Variants in URI1 observed in about 807,000 individuals in gnomAD.
URI1 encodes the protein unconventional prefoldin RPB5 interactor 1.
URI1 carries 39 observed loss-of-function variants against 60.2 expected under a neutral mutation model. The observed-to-expected ratio is 0.65, with a 90% CI of 0.50 to 0.85. The LOEUF is 0.85. Ranked by LOEUF, URI1 falls within the 40% of genes least tolerant of loss-of-function variation. URI1 has a pLI of 0.00. For missense variants in URI1, 691 were observed against 665.9 expected, an observed-to-expected ratio of 1.04 and a Z score of -0.42; for synonymous variants, 251 against 236.8, an observed-to-expected ratio of 1.06 and a Z score of -0.55.
chr19:29,964,558 G>A (rs186295973), intron 1 of URI1, among the ~76,000 whole-genome samples: 48 of 147,768 alleles, frequency 3.2e-4, no homozygotes, highest in African/African-American at 1.1e-3. Flanking sequence ...TCTGCTTTCC[G>A]GGTTTGATTT....
intron 2 of URI1, among the ~76,000 whole-genome samples, chr19:29,976,778 T>G (rs1189595012): frequency 6.6e-6 from 1 of 152,212 alleles, no homozygotes; most frequent in Non-Finnish European, 1.5e-5. Flanking sequence ...GTAAAAAATT[T>G]ATTGCCTTGC....
At chr19:29,955,324 ATATCT>A (rs2055231879) in intron 1 of URI1, among the ~76,000 whole-genome samples, 1 of 152,030 alleles carries the variant, frequency 6.6e-6, no homozygotes, top group Admixed American at 6.5e-5. Context: ...TATTCAGCTG[ATATCT>A]TATTGATGGG....
chr19:29,986,650 C>G (rs2041374014), intron 4 of URI1, among the ~76,000 whole-genome samples: 1 of 152,056 alleles, frequency 6.6e-6, no homozygotes, highest in South Asian at 2.1e-4. Flanking sequence ...TCAGAAGTTA[C>G]AAAGTTTCAA....
chr19:29,943,088 T>C (rs902900691), intron 1 of URI1, among the ~76,000 whole-genome samples: 5 of 152,198 alleles, frequency 3.3e-5, no homozygotes, highest in African/African-American at 1.2e-4. Flanking sequence ...TTTGGTTATT[T>C]AATATTTGTC....
chr19:30,001,481 T>C (rs1194821632), intron 4 of URI1, among the ~76,000 whole-genome samples: 3 of 151,854 alleles, frequency 2.0e-5, no homozygotes, highest in Non-Finnish European at 4.4e-5. Context: ...CTATTCTCTT[T>C]CCACTTCCCT....
chr19:29,984,242 G>A (rs1463158266), intron 2 of URI1, among the ~76,000 whole-genome samples: 1 of 152,024 alleles, frequency 6.6e-6, no homozygotes, highest in Non-Finnish European at 1.5e-5. Flanking sequence ...CCTGGCCAAC[G>A]TGGCGAAGAA....
chr19:29,997,382 G>A (rs2055825307), intron 4 of URI1, among the ~76,000 whole-genome samples: 1 of 152,044 alleles, frequency 6.6e-6, no homozygotes, highest in Admixed American at 6.5e-5. Flanking sequence ...TTCTGTAATA[G>A]TTTTTATTGT....
At chr19:29,971,044 T>C in intron 1 of URI1, 149 bp from the exon 2 acceptor site, 1 of 726,486 alleles carries the variant, frequency 1.4e-6, no homozygotes, top group South Asian at 1.7e-5. Context: ...AAACTAACGT[T>C]CACATCTCTG....
intron 2 of URI1, among the ~76,000 whole-genome samples, chr19:29,983,538 T>C (rs749586227): frequency 2.0e-4 from 30 of 152,232 alleles, no homozygotes; most frequent in Non-Finnish European, 3.4e-4. Flanking sequence ...TGATTTCAAT[T>C]TGACAATGTC....
In URI1 at chr19:29,942,593, T is replaced by C. The variant is rs1451315142; in HGVS notation, c.46T>C (p.Ser16Pro). 9.1e-6 allele frequency: 13 copies of C among 1,427,044 alleles called. No individual in the cohort carries two copies. The highest frequency in any genetic ancestry group is 5.8e-5 in the East Asian group (2 of 34,512). 88.4% of individuals were successfully genotyped at this position (1,427,044 alleles called of 1,614,324 possible). Residue 16 changes from serine (S) to proline (P), a missense_variant, in exon 1 of 11, where the codon TCG becomes CCG. Ser to Pro is a moderately conservative substitution (Grantham distance 74). Transcript: ENST00000392271. ...VETPPDPSPP[S>P]APAPALVPLR... ...GACGCCCCCCGACCCCTCGCCCCCT[T>C]CGGCCCCGGCCCCTGCCCTGGTTCC...
At chr19:29,937,905 A>T (rs2054987381), upstream of URI1, 1 of 152,186 alleles carries the variant, frequency 6.6e-6, no homozygotes, top group African/African-American at 2.4e-5. Flanking sequence ...GAAATGGGGC[A>T]TGGCAGCTGT....
intron 1 of URI1, among the ~76,000 whole-genome samples, chr19:29,936,901 C>T (rs335022): frequency 0.85 from 128,823 of 151,994 alleles, 54,989 homozygotes; most frequent in Non-Finnish European, 0.9. Flanking sequence ...TACAGGTGCG[C>T]GTCACAATGC....
In URI1 at chr19:30,015,870, A is replaced by C. The variant is rs1599732447; in HGVS notation, c.*801A>C. On this transcript the variant is annotated 3_prime_UTR_variant, in exon 11 of 11. Coordinates refer to ENST00000392271, the MANE Select transcript of URI1 (RefSeq NM_003796.3). Reference sequence around the variant, plus strand: ...GGATTATGTTTTGGGAAACAAGGAAAGGTCTAGATGCTTAAACATTTTAAA... The same window carrying C: ...GGATTATGTTTTGGGAAACAAGGAACGGTCTAGATGCTTAAACATTTTAAA... 1.3e-5 allele frequency: 4 copies of C among 318,744 alleles called. No homozygotes were observed. The highest frequency in any genetic ancestry group is 2.3e-5 in the Non-Finnish European group (4 of 175,924). The allele number at this position is 318,744 out of a possible 1,614,324, so 19.7% of individuals were successfully genotyped here.
intron 2 of URI1, among the ~76,000 whole-genome samples, chr19:29,981,931 T>G (rs1004797149): frequency 6.6e-6 from 1 of 152,238 alleles, no homozygotes. Context: ...TTAACCTCAG[T>G]AATGCATTAG....
chr19:30,009,440 C>A, intron 8 of URI1, 87 bp downstream of exon 8: 1 of 1,232,600 alleles, frequency 8.1e-7, no homozygotes, highest in Non-Finnish European at 1.1e-6. Context: ...TATTAACAAT[C>A]ATTATCATTG....
chr19:29,934,866 A>G (rs2054955657), intron 1 of URI1, among the ~76,000 whole-genome samples: 1 of 152,186 alleles, frequency 6.6e-6, no homozygotes, highest in African/African-American at 2.4e-5. Flanking sequence ...CAACATGCCC[A>G]TATTATTTTC....
intron 1 of URI1, among the ~76,000 whole-genome samples, chr19:29,930,177 G>A (rs577527159): frequency 1.6e-4 from 24 of 152,098 alleles, no homozygotes; most frequent in African/African-American, 5.8e-4. Flanking sequence ...GACCTCAAGT[G>A]ATCTGCCCAC....
intron 1 of URI1, among the ~76,000 whole-genome samples, chr19:29,949,919 A>T (rs1267645851): frequency 1.4e-5 from 2 of 145,962 alleles, no homozygotes; most frequent in African/African-American, 5.5e-5. Flanking sequence ...GGAGAGGGAG[A>T]CTGTGGGGAG....
chr19:30,005,543 A>G, intron 5 of URI1, 91 bp downstream of exon 5: 1 of 1,488,996 alleles, frequency 6.7e-7, no homozygotes, highest in Non-Finnish European at 9.1e-7. Flanking sequence ...AATTAATTGA[A>G]GTTTAAAATG....
Sources: allele counts gnomAD v4.1 joint callset (sites outside exome capture counted in the v4.1 genomes callset), GRCh38; gene constraint gnomAD v4.1.1; transcripts MANE v1.5; gene names NCBI Gene and HGNC (gene_info 2026-07-23, HGNC 2026-07-21).